Variants in PRIM2 observed in about 807,000 individuals in gnomAD.
PRIM2 encodes the protein DNA primase subunit 2.
A neutral mutation model predicts 67.3 loss-of-function variants in PRIM2; 39 were observed. That is an observed-to-expected ratio of 0.58 (90% CI 0.45 to 0.76). The LOEUF (loss-of-function observed/expected upper bound fraction) is 0.76. PRIM2 is among the 30% of genes least tolerant of loss of function. PRIM2 has a pLI of 0.00. For synonymous variants in PRIM2, 143 were observed against 198.7 expected (o/e 0.72, Z 2.36); for missense variants, 398 against 598.7 (o/e 0.66, Z 3.50).
At chr6:57,398,250 G>A (rs1203186255) in intron 7 of PRIM2, among the ~76,000 whole-genome samples, 1 of 151,990 alleles carries the variant, frequency 6.6e-6, no homozygotes, top group African/African-American at 2.4e-5. Flanking sequence ...GAGCCACCAC[G>A]CCTGGCCAAT....
At chr6:57,605,984 C>G (rs1776555326) in intron 11 of PRIM2, among the ~76,000 whole-genome samples, 1 of 152,046 alleles carries the variant, frequency 6.6e-6, no homozygotes, top group Non-Finnish European at 1.5e-5. Context: ...TATCTTCCTT[C>G]TCTCATATGC....
chr6:57,588,176 A>G (rs1303594764), intron 10 of PRIM2, among the ~76,000 whole-genome samples: 1 of 152,144 alleles, frequency 6.6e-6, no homozygotes, highest in Admixed American at 6.6e-5. Context: ...GCAGTCCAGC[A>G]GGAATTTTTG....
chr6:57,499,572 C>T (rs1283634043), intron 7 of PRIM2, among the ~76,000 whole-genome samples: 1 of 152,186 alleles, frequency 6.6e-6, no homozygotes, highest in Non-Finnish European at 1.5e-5. Context: ...TACCATTAGA[C>T]TATACCCTTT....
At chr6:57,600,295 C>G (rs1776439624) in intron 10 of PRIM2, among the ~76,000 whole-genome samples, 1 of 151,690 alleles carries the variant, frequency 6.6e-6, no homozygotes, top group African/African-American at 2.4e-5. Context: ...ATTCATTAAG[C>G]ATTTGCTGAC....
chr6:57,584,856 T>TGA (rs1314171040), intron 10 of PRIM2, among the ~76,000 whole-genome samples: 1 of 152,228 alleles, frequency 6.6e-6, no homozygotes. Flanking sequence ...ACAAAGAGAT[T>TGA]GAGGTAACTT....
intron 10 of PRIM2, among the ~76,000 whole-genome samples, chr6:57,566,218 C>T (rs1364081018): frequency 2.0e-5 from 3 of 147,626 alleles, no homozygotes; most frequent in South Asian, 2.1e-4. Context: ...TAAAGACTTA[C>T]GTAGATTCAG....
the PRIM2 span, among the ~76,000 whole-genome samples, chr6:57,226,184 T>A: frequency 2.6e-5 from 4 of 152,164 alleles, no homozygotes; most frequent in Non-Finnish European, 5.9e-5. Flanking sequence ...AGTATACAAA[T>A]ACACACATAT....
intron 10 of PRIM2, among the ~76,000 whole-genome samples, chr6:57,581,346 T>G (rs1776081643): frequency 6.6e-6 from 1 of 152,206 alleles, no homozygotes; most frequent in African/African-American, 2.4e-5. Context: ...GACCACCTTT[T>G]AAGGATTACT....
the PRIM2 span, among the ~76,000 whole-genome samples, chr6:57,222,793 G>C: frequency 1.3e-5 from 2 of 152,226 alleles, no homozygotes; most frequent in African/African-American, 4.8e-5. Flanking sequence ...AGAAAAAAAA[G>C]ATGGAAAATA....
chr6:57,305,242 C>T, the PRIM2 span, among the ~76,000 whole-genome samples: 1 of 152,128 alleles, frequency 6.6e-6, no homozygotes, highest in East Asian at 1.9e-4. Context: ...TCAGGAATTT[C>T]AATGGGAAAG....
At chr6:57,308,184 A>AG in the PRIM2 span, among the ~76,000 whole-genome samples, 59 of 150,998 alleles carry the variant, frequency 3.9e-4, no homozygotes, top group African/African-American at 1.3e-3. Flanking sequence ...GCAGGAGTGC[A>AG]GTGGCAGGAT....
upstream of PRIM2, among the ~76,000 whole-genome samples, chr6:57,316,974 G>A (rs1157289772): frequency 6.6e-6 from 1 of 152,240 alleles, no homozygotes; most frequent in Non-Finnish European, 1.5e-5. Context: ...TCTGTGCGAG[G>A]CATTGCCGGA....
At chr6:57,225,307 A>G in the PRIM2 span, among the ~76,000 whole-genome samples, 24 of 152,322 alleles carry the variant, frequency 1.6e-4, no homozygotes, top group African/African-American at 5.1e-4. Flanking sequence ...AAAAGTGTTT[A>G]TCCTCCCTGC....
chr6:57,459,387 G>GA (rs1466544107), intron 7 of PRIM2, among the ~76,000 whole-genome samples: 2 of 152,108 alleles, frequency 1.3e-5, no homozygotes, highest in Non-Finnish European at 2.9e-5. Flanking sequence ...GTGAGATTAG[G>GA]AATTGAATAA....
At chr6:57,259,316 C>A in the PRIM2 span, among the ~76,000 whole-genome samples, 1 of 151,780 alleles carries the variant, frequency 6.6e-6, no homozygotes, top group Non-Finnish European at 1.5e-5. Context: ...GCTGGGGTAG[C>A]TCTGCTCTAT....
chr6:57,496,394 A>G (rs1441010786), intron 7 of PRIM2, among the ~76,000 whole-genome samples: 1 of 152,328 alleles, frequency 6.6e-6, no homozygotes, highest in Admixed American at 6.5e-5. Flanking sequence ...TATACTGCTG[A>G]CAGAAGATAC....
intron 8 of PRIM2, among the ~76,000 whole-genome samples, chr6:57,508,956 C>G (rs1384398103): frequency 1.3e-5 from 2 of 152,148 alleles, no homozygotes; most frequent in Non-Finnish European, 2.9e-5. Flanking sequence ...TAGTCAAGCA[C>G]CAATAGTGTT....
At chr6:57,255,369 G>C in the PRIM2 span, among the ~76,000 whole-genome samples, 1 of 152,082 alleles carries the variant, frequency 6.6e-6, no homozygotes, top group East Asian at 1.9e-4. Flanking sequence ...ATGGTGGCGG[G>C]CACCTGTAGT....
intron 5 of PRIM2, among the ~76,000 whole-genome samples, chr6:57,345,030 T>C (rs1768622735): frequency 6.8e-6 from 1 of 146,734 alleles, no homozygotes; most frequent in African/African-American, 2.6e-5. Flanking sequence ...TGTATTCTTA[T>C]TGTTGATGGC....
Sources: allele counts gnomAD v4.1 joint callset (sites outside exome capture counted in the v4.1 genomes callset), GRCh38; gene constraint gnomAD v4.1.1; transcripts MANE v1.5; gene names NCBI Gene and HGNC (gene_info 2026-07-23, HGNC 2026-07-21).